TGFB2: variants seen among roughly 807,000 people sequenced by gnomAD.
The protein encoded by TGFB2 is transforming growth factor beta 2.
TGFB2 carries 13 observed loss-of-function variants against 42.7 expected under a neutral mutation model. The observed-to-expected ratio is 0.30, with a 90% CI of 0.20 to 0.48. The LOEUF (loss-of-function observed/expected upper bound fraction) is 0.48, where lower values mean the gene tolerates loss of function less well. Ranked by LOEUF, TGFB2 falls within the 20% of genes least tolerant of loss-of-function variation. The probability of loss-of-function intolerance (pLI) is 0.99; values close to 1 mark genes in which losing one functional copy is unlikely to be tolerated. For missense variants in TGFB2, 390 were observed against 517.5 expected (o/e 0.75, Z 2.39); for synonymous variants, 193 against 193.6 (o/e 1.00, Z 0.03).
chr1:218,385,924 G>A (rs1658120173), intron 1 of TGFB2, among the ~76,000 whole-genome samples: 1 of 152,042 alleles, frequency 6.6e-6, no homozygotes, highest in East Asian at 1.9e-4. Flanking sequence ...CCCCAAACCA[G>A]AATAAGTTCA....
At position 218,346,471 on chromosome 1, in the gene TGFB2, C is replaced by T; in HGVS notation, c.-231C>T. 2 of 462,454 alleles carry T rather than the reference C, an allele frequency of 4.3e-6. No homozygotes were observed. Among genetic ancestry groups the T allele is most frequent in the Non-Finnish European group, 7.5e-6 (2 of 267,578 alleles). The allele number at this position is 462,454 out of a possible 1,614,324, so 28.6% of individuals were successfully genotyped here. The stretch of plus-strand genomic sequence containing the variant: ...CAAAGTCAGGGTTCCCTCTGCCCGT[C>T]CCGTATTAATATTTCCACTTTTGGA... On this transcript the variant is annotated 5_prime_UTR_variant, in exon 1 of 7. Transcript: ENST00000366930. The surrounding 1 kb of genome is among the most constrained non-coding windows in gnomAD (Gnocchi z 4.9).
chr1:218,346,025 T>C lies in TGFB2; in HGVS notation c.-677T>C, dbSNP rs112369231. On this transcript the variant is annotated 5_prime_UTR_variant, in exon 1 of 7. Coordinates refer to ENST00000366930, the MANE Select transcript of TGFB2 (RefSeq NM_003238.6). The surrounding 1 kb of genome is among the most constrained non-coding windows in gnomAD (Gnocchi z 4.9). ...GCGAAGCGCACCCTCCTCCCCGCGG[T>C]GCGCTGGGCTCGCCCCCAGCGCGCG... is the stretch of plus-strand genomic sequence containing the variant. Among the ~76,000 whole-genome samples, 57,932 of 150,444 alleles carry C rather than the reference T, an allele frequency of 0.39. 13,242 individuals carry two copies. Among genetic ancestry groups the C allele is most frequent in the African/African-American group, 0.65 (26,304 of 40,732 alleles).
At chr1:218,398,909 G>T (rs768551513) in intron 1 of TGFB2, among the ~76,000 whole-genome samples, 3 of 151,738 alleles carry the variant, frequency 2.0e-5, no homozygotes, top group South Asian at 2.1e-4. Context: ...TTAGAGACAG[G>T]TCTCACTCTG....
intron 5 of TGFB2, 108 bp from the exon 6 acceptor site, chr1:218,437,235 T>C: frequency 8.8e-7 from 1 of 1,140,332 alleles, no homozygotes; most frequent in South Asian, 1.6e-5. Flanking sequence ...AGATGTTTGT[T>C]GAATAAATGA....
chr1:218,378,270 G>A (rs984110737), intron 1 of TGFB2, among the ~76,000 whole-genome samples: 5 of 152,136 alleles, frequency 3.3e-5, no homozygotes, highest in African/African-American at 1.2e-4. Context: ...TCCGCCTCCC[G>A]GGTTCATGTG....
chr1:218,406,724 C>T (rs1184856752), intron 2 of TGFB2, among the ~76,000 whole-genome samples: 3 of 152,100 alleles, frequency 2.0e-5, no homozygotes, highest in African/African-American at 7.2e-5. Flanking sequence ...CAAAGACAGT[C>T]TTGAATGGGC....
At chr1:218,353,173 C>G (rs1656921414) in intron 1 of TGFB2, among the ~76,000 whole-genome samples, 1 of 152,262 alleles carries the variant, frequency 6.6e-6, no homozygotes. Flanking sequence ...GAGCGATACC[C>G]CAGGAACCAC....
At position 218,436,315 on chromosome 1, in the gene TGFB2, TC is replaced by T. The variant is rs376102579; in HGVS notation, c.932+169del. The stretch of plus-strand genomic sequence containing the variant: ...TACCATTCTTCCCAGAGGCTTATAT[TC>T]ATCAGGTCTTTAGCAGTGAACCAAG... On this transcript the variant is annotated intron_variant, in intron 5 of 6. Coordinates refer to ENST00000366930, the MANE Select transcript of TGFB2 (RefSeq NM_003238.6). Among the ~76,000 whole-genome samples the T allele has an allele frequency of 4.1e-4, 62 of 152,340 alleles. No homozygotes were observed. In the East Asian group the frequency reaches 9.8e-3, roughly 24 times the overall value.
intron 2 of TGFB2, among the ~76,000 whole-genome samples, chr1:218,411,948 C>A (rs1415341592): frequency 6.6e-6 from 1 of 151,382 alleles, no homozygotes; most frequent in Non-Finnish European, 1.5e-5. Context: ...AACTACAGGG[C>A]AGCCCAGATT....
chr1:218,437,459 G>A lies in TGFB2; in HGVS notation c.1049G>A (p.Cys350Tyr), dbSNP rs1558264109. Residue 350 changes from cysteine (C) to tyrosine (Y), a missense_variant, in exon 6 of 7, where the codon TGC becomes TAC. By Grantham distance (194) the Cys-to-Tyr change is radical. Transcript: ENST00000366930. ...GYNANFCAGA[C>Y]PYLWSSDTQH... ...AATGCCAACTTCTGTGCTGGAGCAT[G>A]CCCGTATTTATGGAGTTCAGACACT... 1 of 1,613,470 alleles carries A rather than the reference G, an allele frequency of 6.2e-7. No homozygotes were observed. The highest frequency in any genetic ancestry group is 8.5e-7 in the Non-Finnish European group (1 of 1,179,782).
intron 6 of TGFB2, among the ~76,000 whole-genome samples, chr1:218,439,865 G>A (rs1206372231): frequency 6.6e-6 from 1 of 152,204 alleles, no homozygotes; most frequent in East Asian, 1.9e-4. Context: ...ATGTGGTTTG[G>A]ACAGTTACCC....
chr1:218,387,483 C>T (rs1658174802), intron 1 of TGFB2, among the ~76,000 whole-genome samples: 1 of 152,086 alleles, frequency 6.6e-6, no homozygotes, highest in Non-Finnish European at 1.5e-5. Context: ...GAGGGTAGTG[C>T]TTTCTCACCT....
At chr1:218,372,038 C>G (rs1346335483) in intron 1 of TGFB2, among the ~76,000 whole-genome samples, 1 of 152,142 alleles carries the variant, frequency 6.6e-6, no homozygotes, top group Non-Finnish European at 1.5e-5. Context: ...CTGACCGTCC[C>G]TGAGCGTGCT....
chr1:218,390,713 G>A (rs1030541449), intron 1 of TGFB2, among the ~76,000 whole-genome samples: 16 of 152,162 alleles, frequency 1.1e-4, no homozygotes, highest in Admixed American at 9.2e-4. Context: ...AGAACAGAAA[G>A]CTGCTTAGCA....
rs956943697 is a variant in TGFB2, at chr1:218,346,500, A to C, written c.-202A>C. ...TATTAATATTTCCACTTTTGGAACTACTGGCCTTTTCTTTTTAAAGGAATT... is the reference window on the plus strand; with the variant it reads ...TATTAATATTTCCACTTTTGGAACTCCTGGCCTTTTCTTTTTAAAGGAATT... On this transcript the variant is annotated 5_prime_UTR_variant, in exon 1 of 7. Coordinates refer to ENST00000366930, the MANE Select transcript of TGFB2 (RefSeq NM_003238.6). The surrounding 1 kb of genome is among the most constrained non-coding windows in gnomAD (Gnocchi z 4.9). 2.3e-5 allele frequency: 12 copies of C among 522,452 alleles called. No individual in the cohort carries two copies. The South Asian group carries it at 3.3e-4, about 14-fold the overall frequency. 32.4% of individuals were successfully genotyped at this position (522,452 alleles called of 1,614,324 possible). A position where few individuals can be genotyped will look rare whatever the true frequency, so the allele number is the denominator to read the frequency against.
chr1:218,385,886 A>T (rs1658118224), intron 1 of TGFB2, among the ~76,000 whole-genome samples: 1 of 152,058 alleles, frequency 6.6e-6, no homozygotes, highest in Admixed American at 6.6e-5. Flanking sequence ...TTTTTTCTTA[A>T]TTGGGCAGCC....
chr1:218,378,520 G>A (rs984246939), intron 1 of TGFB2, among the ~76,000 whole-genome samples: 1 of 151,990 alleles, frequency 6.6e-6, no homozygotes, highest in Non-Finnish European at 1.5e-5. Flanking sequence ...CACCATGTTG[G>A]CCAGGCTAGT....
intron 1 of TGFB2, among the ~76,000 whole-genome samples, chr1:218,379,362 C>A (rs1440052116): frequency 6.6e-6 from 1 of 151,898 alleles, no homozygotes; most frequent in East Asian, 1.9e-4. Flanking sequence ...CCTCGATCTC[C>A]TGACCTCATG....
Position 218,442,373 on chromosome 1 carries a change from T to A in TGFB2, c.*1011T>A, listed in dbSNP as rs1291362107. ...ATAATTGAAAACACATCTGCAGATC[T>A]CTTTTGCAAACTATTAAATCAAAAC... On this transcript the variant is annotated 3_prime_UTR_variant, in exon 7 of 7. Transcript: ENST00000366930. The A allele has an allele frequency of 6.6e-6, 1 of 152,164 alleles. No homozygotes were observed. The highest frequency in any genetic ancestry group is 1.5e-5 in the Non-Finnish European group (1 of 68,004). The allele number at this position is 152,164 out of a possible 1,614,324, so 9.4% of individuals were successfully genotyped here.
Sources: gnomAD v4.1 joint callset for allele counts (sites outside exome capture counted in the v4.1 genomes callset) on GRCh38, gnomAD v4.1.1 for gene constraint, Gnocchi (gnomAD v3.1) non-coding constraint, MANE v1.5 for transcripts, NCBI Gene and HGNC (gene_info 2026-07-23, HGNC 2026-07-21) for gene names.